Variants in ACTR3C observed in about 807,000 individuals in gnomAD.
ACTR3C encodes actin related protein 3C, also known as actin-related protein 3C.
In ACTR3C, 18 loss-of-function variants were observed where a neutral mutation model predicts 26.3. That is an observed-to-expected ratio of 0.68 (90% CI 0.47 to 1.01). The LOEUF is 1.01. ACTR3C is among the 50% of genes least tolerant of loss of function. ACTR3C has a pLI of 0.00. For synonymous variants in ACTR3C, 55 were observed against 94.5 expected (o/e 0.58, Z 2.42); for missense variants, 184 against 250.7 (o/e 0.73, Z 1.80).
chr7:150,134,744 T>C, the ACTR3C span, among the ~76,000 whole-genome samples: 2 of 152,268 alleles, frequency 1.3e-5, no homozygotes, highest in Non-Finnish European at 2.9e-5. Flanking sequence ...GGATGATTCC[T>C]TTTACAAAGT....
At chr7:150,273,278 C>T (rs1472867086) in intron 6 of ACTR3C, among the ~76,000 whole-genome samples, 2 of 133,564 alleles carry the variant, frequency 1.5e-5, no homozygotes, top group African/African-American at 3.6e-5. Flanking sequence ...AGAGCACAGA[C>T]CAACCTTTTT....
the ACTR3C span, among the ~76,000 whole-genome samples, chr7:149,984,097 T>C: frequency 6.6e-6 from 1 of 151,724 alleles, no homozygotes; most frequent in Non-Finnish European, 1.5e-5. Flanking sequence ...AGATCTCATG[T>C]TAAGTGTTCT....
chr7:149,912,092 C>T, the ACTR3C span, among the ~76,000 whole-genome samples: 1 of 151,594 alleles, frequency 6.6e-6, no homozygotes, highest in Non-Finnish European at 1.5e-5. Context: ...AGCATTCATT[C>T]TTCCCACTGT....
the ACTR3C span, among the ~76,000 whole-genome samples, chr7:149,900,828 T>C: frequency 6.6e-6 from 1 of 151,066 alleles, no homozygotes; most frequent in African/African-American, 2.4e-5. Flanking sequence ...ACTTGAGGAG[T>C]TTGAGACCAG....
chr7:150,042,356 C>T, the ACTR3C span, among the ~76,000 whole-genome samples: 8 of 119,490 alleles, frequency 6.7e-5, no homozygotes, highest in Admixed American at 1.5e-4. Context: ...TGCCTCCGCC[C>T]CCAGCGATGG....
the ACTR3C span, among the ~76,000 whole-genome samples, chr7:150,149,961 T>A: frequency 6.6e-6 from 1 of 152,220 alleles, no homozygotes; most frequent in Non-Finnish European, 1.5e-5. Flanking sequence ...ACAAGCCACA[T>A]GCCCACAGAA....
At chr7:150,002,493 A>G in the ACTR3C span, 1 of 152,242 alleles carries the variant, frequency 6.6e-6, no homozygotes. Flanking sequence ...TTTCCCTTGA[A>G]CAATCCGACA....
the ACTR3C span, among the ~76,000 whole-genome samples, chr7:150,175,039 A>G: frequency 0.12 from 17,699 of 146,832 alleles, 1,507 homozygotes; most frequent in South Asian, 0.18. Context: ...AGGATGTGGA[A>G]CAACAGTGAA....
chr7:150,075,504 A>G, the ACTR3C span, among the ~76,000 whole-genome samples: 1 of 152,034 alleles, frequency 6.6e-6, no homozygotes, highest in Non-Finnish European at 1.5e-5. Flanking sequence ...GGAAATAATC[A>G]GGTGATGTAA....
intron 1 of ACTR3C, among the ~76,000 whole-genome samples, chr7:150,305,062 A>C (rs1795707035): frequency 6.6e-6 from 1 of 152,134 alleles, no homozygotes; most frequent in Admixed American, 6.5e-5. Context: ...GACTGGGAGC[A>C]AAGTGCTGGA....
At chr7:149,982,997 A>G in the ACTR3C span, among the ~76,000 whole-genome samples, 1 of 152,210 alleles carries the variant, frequency 6.6e-6, no homozygotes, top group Non-Finnish European at 1.5e-5. Flanking sequence ...TTTCACCATT[A>G]TAGTTAGTGC....
the ACTR3C span, among the ~76,000 whole-genome samples, chr7:150,053,979 G>T: frequency 5.3e-5 from 8 of 152,186 alleles, no homozygotes; most frequent in African/African-American, 1.9e-4. Flanking sequence ...TGGCCCCCAG[G>T]TCCAAGTACT....
At chr7:150,260,947 A>G (rs1263046329) in intron 6 of ACTR3C, among the ~76,000 whole-genome samples, 1 of 152,248 alleles carries the variant, frequency 6.6e-6, no homozygotes, top group African/African-American at 2.4e-5. Flanking sequence ...TAAATGCTAA[A>G]GGAAGAAGAA....
the ACTR3C span, among the ~76,000 whole-genome samples, chr7:149,898,668 A>C: frequency 3.3e-5 from 5 of 151,640 alleles, no homozygotes; most frequent in African/African-American, 7.3e-5. Context: ...AGATCACGCC[A>C]CTGCACTCCA....
In ACTR3C at chr7:150,251,353, G is replaced by GT. The variant is rs557285358; in HGVS notation, c.565-2300dup. ...TGTCTTTAAAACTAAAATTAACTGCGTTTTTTTCCTATTTTAGGAAAAAAT... is the reference window on the plus strand; with the variant it reads ...TGTCTTTAAAACTAAAATTAACTGCGTTTTTTTTCCTATTTTAGGAAAAAAT... On this transcript the variant is annotated intron_variant, in intron 6 of 7. Coordinates refer to ENST00000683684, the MANE Select transcript of ACTR3C (RefSeq NM_001164458.2). Among the ~76,000 whole-genome samples, 734 of 151,882 alleles carry GT rather than the reference G, an allele frequency of 4.8e-3. 3 individuals are homozygous for GT. The highest frequency in any genetic ancestry group is 7.9e-3 in the Non-Finnish European group (538 of 67,958).
chr7:150,165,701 T>C, the ACTR3C span, among the ~76,000 whole-genome samples: 1 of 152,080 alleles, frequency 6.6e-6, no homozygotes, highest in Admixed American at 6.5e-5. Flanking sequence ...CAATCTACTC[T>C]GAGGATTTCC....
the ACTR3C span, among the ~76,000 whole-genome samples, chr7:150,067,502 C>T: frequency 6.6e-6 from 1 of 152,100 alleles, no homozygotes; most frequent in Non-Finnish European, 1.5e-5. Context: ...AATCTCAGGC[C>T]CTGGAGCCCT....
chr7:150,301,825 G>A (rs1443002516), intron 1 of ACTR3C, among the ~76,000 whole-genome samples: 2 of 151,672 alleles, frequency 1.3e-5, no homozygotes, highest in East Asian at 1.9e-4. Context: ...GTCATCAAAT[G>A]TATAGAGACA....
At chr7:150,108,673 C>G in the ACTR3C span, among the ~76,000 whole-genome samples, 1 of 150,450 alleles carries the variant, frequency 6.6e-6, no homozygotes, top group Admixed American at 6.6e-5. Context: ...TTCTCTTCCA[C>G]CTTCTGCCAT....
Sources: allele counts gnomAD v4.1 joint callset (sites outside exome capture counted in the v4.1 genomes callset), GRCh38; gene constraint gnomAD v4.1.1; transcripts MANE v1.5; gene names NCBI Gene and HGNC (gene_info 2026-07-23, HGNC 2026-07-21).